The following PPIP5K2 variants were observed in gnomAD, a reference collection of about 807,000 sequenced individuals.
PPIP5K2 encodes the protein inositol hexakisphosphate and diphosphoinositol-pentakisphosphate kinase 2.
In PPIP5K2, 105 loss-of-function variants were observed where a neutral mutation model predicts 154.6. The observed-to-expected ratio is 0.68, with a 90% CI of 0.58 to 0.80. The LOEUF (loss-of-function observed/expected upper bound fraction) is 0.80. Ranked by LOEUF, PPIP5K2 falls within the 30% of genes least tolerant of loss-of-function variation. The pLI, the probability that PPIP5K2 is intolerant of heterozygous loss-of-function variation, is 0.00. For synonymous variants in PPIP5K2, 480 were observed against 490.3 expected, an observed-to-expected ratio of 0.98 and a Z score of 0.28; for missense variants, 992 against 1,504.6, an observed-to-expected ratio of 0.66 and a Z score of 5.64.
chr5:103,182,670 A>G (rs2149756167), intron 24 of PPIP5K2, among the ~76,000 whole-genome samples: 1 of 152,322 alleles, frequency 6.6e-6, no homozygotes, highest in East Asian at 1.9e-4. Flanking sequence ...AGATAGCTTG[A>G]AAGTATAAAC....
At position 103,201,601 on chromosome 5, in the gene PPIP5K2, T is replaced by C. The variant is rs782034195; in HGVS notation, c.3699T>C (p.His1233=). Residue 1233 remains histidine (H), a synonymous_variant, in exon 31 of 31, where the codon CAT becomes CAC. Coordinates refer to ENST00000358359, the MANE Select transcript of PPIP5K2 (RefSeq NM_001276277.3). The part of the protein sequence containing the change: ...KKNITSKTET[H]EHKKNTGKKK ...ATATAACTAGCAAAACAGAAACGCA[T>C]GAACACAAAAAAAACACTGGGAAAA... is the stretch of plus-strand genomic sequence containing the variant. 2.5e-6 allele frequency: 4 copies of C among 1,607,600 alleles called. No individual in the cohort carries two copies. In the South Asian group the frequency reaches 4.4e-5, roughly 18 times the overall value.
chr5:103,169,905 T>C (rs965680507), intron 19 of PPIP5K2, among the ~76,000 whole-genome samples: 14 of 151,262 alleles, frequency 9.3e-5, no homozygotes, highest in African/African-American at 2.7e-4. Context: ...ATAAGCACTT[T>C]TCAAGGTGGG....
In PPIP5K2 at chr5:103,209,726, C is replaced by T. The variant is rs1803701620; in HGVS notation, c.*8092C>T. On this transcript the variant is annotated 3_prime_UTR_variant, in exon 31 of 31. Coordinates refer to ENST00000358359, the MANE Select transcript of PPIP5K2 (RefSeq NM_001276277.3). ...AAGTTAGTCAATGCTGAATAGAAAG[C>T]TTGATGATAAAGGTGGGTGGGTGGA... 1 of 151,680 alleles carries T rather than the reference C, an allele frequency of 6.6e-6. No homozygotes were observed. The highest frequency in any genetic ancestry group is 6.6e-5 in the Admixed American group (1 of 15,214). 9.4% of individuals were successfully genotyped at this position (151,680 alleles called of 1,614,324 possible). A position where few individuals can be genotyped will look rare whatever the true frequency, so the allele number is the denominator to read the frequency against.
rs1363911610 is a variant in PPIP5K2, at chr5:103,181,499, C to T, written c.2922+1311C>T. On this transcript the variant is annotated intron_variant, in intron 24 of 30. Coordinates refer to ENST00000358359, the MANE Select transcript of PPIP5K2 (RefSeq NM_001276277.3). ...AGGAGAACCACTTGAACCTGGGAGG[C>T]GGAGGTTGCAGTGAGCCGAGACCAC... Among the ~76,000 whole-genome samples, 4 of 151,772 alleles carry T rather than the reference C, an allele frequency of 2.6e-5. No homozygotes were observed. In the South Asian group the frequency reaches 6.2e-4, roughly 24 times the overall value.
At chr5:103,153,107 A>G (rs527660647) in intron 10 of PPIP5K2, among the ~76,000 whole-genome samples, 12 of 152,012 alleles carry the variant, frequency 7.9e-5, no homozygotes, top group African/African-American at 2.6e-4. Flanking sequence ...ACATTCTCTT[A>G]CTGAAAATTA....
In PPIP5K2 at chr5:103,190,986, G is replaced by C. The variant is rs781936598; in HGVS notation, c.3493+4G>C. On this transcript the variant is annotated splice_donor_region_variant and intron_variant, in intron 29 of 30. Transcript: ENST00000358359. Reference sequence around the variant, plus strand: ...CCACGGAAGACCGCTGAAATTTGTAGGAAATTTTTCTTTCATTGTTATTAT... The same window carrying C: ...CCACGGAAGACCGCTGAAATTTGTACGAAATTTTTCTTTCATTGTTATTAT... 4.4e-6 allele frequency: 7 copies of C among 1,601,334 alleles called. No homozygotes were observed. The Admixed American group carries it at 1.2e-4, about 28-fold the overall frequency.
Position 103,129,561 on chromosome 5 carries a change from C to A in PPIP5K2, c.-29C>A. 1 of 1,518,238 alleles carries A rather than the reference C, an allele frequency of 6.6e-7. No homozygotes were observed. The highest frequency in any genetic ancestry group is 1.3e-5 in the South Asian group (1 of 78,970). 94.0% of individuals were successfully genotyped at this position (1,518,238 alleles called of 1,614,324 possible). ...GAGGCAGTTTTAATATAAATCATTT[C>A]AATTATATCTACATCAAATAAAATA... is the stretch of plus-strand genomic sequence containing the variant. On this transcript the variant is annotated 5_prime_UTR_variant, in exon 2 of 31. Transcript: ENST00000358359.
intron 28 of PPIP5K2, chr5:103,189,254 C>T (rs782559157): frequency 6.8e-7 from 1 of 1,478,298 alleles, no homozygotes; most frequent in South Asian, 1.2e-5. Context: ...CTAAACATGT[C>T]AGCAGGGTGG....
rs1554223752 is a variant in PPIP5K2, at chr5:103,183,329, A to G, written c.3018A>G (p.Ser1006=). ...GVGTGRRRRR[S]GEQITSSPVS... ...GTACTGGGCGTCGAAGACGCAGATC[A>G]GGGGAACAAATCACTTCTTCCCCTG... The change falls in exon 25 of 31, where the codon TCA becomes TCG. Residue 1006 remains serine (S), a synonymous_variant. Transcript: ENST00000358359. 2.5e-6 allele frequency: 4 copies of G among 1,608,712 alleles called. No homozygotes were observed. The highest frequency in any genetic ancestry group is 2.3e-5 in the East Asian group (1 of 44,236).
At chr5:103,161,962 A>T (rs1796338097) in intron 17 of PPIP5K2, among the ~76,000 whole-genome samples, 1 of 151,982 alleles carries the variant, frequency 6.6e-6, no homozygotes, top group African/African-American at 2.4e-5. Flanking sequence ...GTTTAATTAG[A>T]TCCCATTTGT....
chr5:103,162,991 A>G (rs1796558754), intron 17 of PPIP5K2, among the ~76,000 whole-genome samples: 2 of 147,594 alleles, frequency 1.4e-5, no homozygotes, highest in Admixed American at 6.8e-5. Context: ...TTTATTATAT[A>G]TGTGTGATCT....
At chr5:103,201,448 C>A in intron 30 of PPIP5K2, 74 bp from the exon 31 acceptor site, 1 of 798,046 alleles carries the variant, frequency 1.3e-6, no homozygotes, top group Non-Finnish European at 2.0e-6. Flanking sequence ...TGTCAATCAG[C>A]AGTATTATTT....
At chr5:103,121,895 T>C (rs1351334519) in intron 1 of PPIP5K2, among the ~76,000 whole-genome samples, 2 of 152,232 alleles carry the variant, frequency 1.3e-5, no homozygotes, top group African/African-American at 4.8e-5. Flanking sequence ...ATATATAGAT[T>C]AGGTCCTCAT....
intron 5 of PPIP5K2, among the ~76,000 whole-genome samples, chr5:103,139,293 C>G (rs1554205571): frequency 1.3e-5 from 2 of 152,040 alleles, no homozygotes; most frequent in Non-Finnish European, 2.9e-5. Context: ...AGGGGGGAGG[C>G]AGAACAAGAT....
At chr5:103,165,213 A>G (rs1369853345) in intron 17 of PPIP5K2, among the ~76,000 whole-genome samples, 4 of 152,054 alleles carry the variant, frequency 2.6e-5, no homozygotes, top group African/African-American at 9.7e-5. Flanking sequence ...ATTTTTTAAC[A>G]TGAATTCTGA....
rs1183699477 is a variant in PPIP5K2, at chr5:103,133,554, T to C, written c.216T>C (p.Tyr72=). Reference sequence around the variant, plus strand: ...TTGAACGGATCTCCTTATTTAAATATATCACAGTAGTAGTATTTGAAGAGG... The same window carrying C: ...TTGAACGGATCTCCTTATTTAAATACATCACAGTAGTAGTATTTGAAGAGG... The part of the protein sequence containing the change: ...EILERISLFK[Y]ITVVVFEEEV... Residue 72 remains tyrosine, a synonymous_variant, in exon 3 of 31, where the codon TAT becomes TAC. Coordinates refer to ENST00000358359, the MANE Select transcript of PPIP5K2 (RefSeq NM_001276277.3). 6.2e-7 allele frequency: 1 copy of C among 1,612,792 alleles called. No individual in the cohort carries two copies. The highest frequency in any genetic ancestry group is 8.5e-7 in the Non-Finnish European group (1 of 1,179,522).
rs140969708 is a variant in PPIP5K2 at position 103,194,962 on chromosome 5, C to T, written c.3556C>T (p.Pro1186Ser). ...RKKVSLNTYT[P>S]AKILPTPPAT... ...AAAAGTATCTTTAAATACGTATACA[C>T]CTGCAAAGATCCTCCCAACACCACC... Residue 1186 changes from proline (P) to serine (S), a missense_variant, in exon 30 of 31, where the codon CCT becomes TCT. Transcript: ENST00000358359. 877 of 1,613,428 alleles carry T rather than the reference C, an allele frequency of 5.4e-4. No homozygotes were observed. Among genetic ancestry groups the T allele is most frequent in the Non-Finnish European group, 7.0e-4 (826 of 1,179,682 alleles).
intron 1 of PPIP5K2, among the ~76,000 whole-genome samples, chr5:103,122,254 A>T (rs1788896036): frequency 1.3e-5 from 2 of 152,334 alleles, no homozygotes; most frequent in South Asian, 4.1e-4. Flanking sequence ...ACCCTGATGG[A>T]AACAGATAAG....
At chr5:103,186,825 G>A (rs901947339) in intron 27 of PPIP5K2, among the ~76,000 whole-genome samples, 2 of 152,080 alleles carry the variant, frequency 1.3e-5, no homozygotes, top group East Asian at 1.9e-4. Context: ...TATAAGTAGA[G>A]GACAATATCA....
Sources: allele counts gnomAD v4.1 joint callset (sites outside exome capture counted in the v4.1 genomes callset), GRCh38; gene constraint gnomAD v4.1.1; transcripts MANE v1.5; gene names NCBI Gene and HGNC (gene_info 2026-07-23, HGNC 2026-07-21).